The following SLC24A2 variants were observed in gnomAD, a reference collection of about 807,000 sequenced individuals.
SLC24A2 encodes the protein solute carrier family 24 member 2, also known as sodium/potassium/calcium exchanger 2.
Under a neutral mutation model 62.0 loss-of-function variants are expected in SLC24A2, and 36 were observed. That is an observed-to-expected ratio of 0.58 (90% CI 0.44 to 0.77). The LOEUF is 0.77. Among genes scored for constraint, SLC24A2 ranks in the 30% least tolerant of loss-of-function variants. The pLI, the probability that SLC24A2 is intolerant of heterozygous loss-of-function variation, is 0.00. For synonymous variants in SLC24A2, 358 were observed against 294.0 expected (o/e 1.22, Z -2.23); for missense variants, 846 against 817.9 (o/e 1.03, Z -0.42).
the SLC24A2 span, among the ~76,000 whole-genome samples, chr9:20,235,559 C>T: frequency 6.1e-4 from 93 of 152,306 alleles, no homozygotes; most frequent in African/African-American, 1.9e-3. Context: ...CCTGGTGTGC[C>T]GGTTTTTAAT....
chr9:19,679,838 CTGTGTGTGTGTGTGTGTG>C (rs58253967), intron 2 of SLC24A2, among the ~76,000 whole-genome samples: 3,380 of 142,486 alleles, frequency 0.024, 74 homozygotes, highest in East Asian at 0.088. Context: ...CTCACATATA[CTGTGTGTGTGTGTGTGTG>C]TGTGTGTGTG....
chr9:19,965,107 C>T, the SLC24A2 span, among the ~76,000 whole-genome samples: 2 of 151,890 alleles, frequency 1.3e-5, no homozygotes, highest in African/African-American at 4.8e-5. Flanking sequence ...CGAGAAAGAG[C>T]GTTGGAGGCA....
chr9:19,768,609 G>A lies in SLC24A2; in HGVS notation c.930+17328C>T, dbSNP rs188240823. Among the ~76,000 whole-genome samples the A allele has an allele frequency of 2.0e-5, 3 of 152,258 alleles. No homozygotes were observed. In the East Asian group the frequency reaches 5.8e-4, roughly 29 times the overall value. ...ACAGCGTGGATACCCTAGACAATGG[G>A]ATTATTCACATTCTGGGTGGGACAG... On this transcript the variant is annotated intron_variant, in intron 2 of 10. Coordinates refer to ENST00000341998, the MANE Select transcript of SLC24A2 (RefSeq NM_020344.4).
the SLC24A2 span, among the ~76,000 whole-genome samples, chr9:20,301,582 C>CT: frequency 4.9e-3 from 687 of 141,226 alleles, 3 homozygotes; most frequent in East Asian, 0.04. Flanking sequence ...AAATTAAAGC[C>CT]TTTTTTTTTT....
chr9:19,894,095 T>C, the SLC24A2 span, among the ~76,000 whole-genome samples: 1 of 152,148 alleles, frequency 6.6e-6, no homozygotes, highest in South Asian at 2.1e-4. Flanking sequence ...TCCAGCTAAA[T>C]TCAGGATTTA....
intron 2 of SLC24A2, among the ~76,000 whole-genome samples, chr9:19,661,070 C>T (rs1819084369): frequency 6.6e-6 from 1 of 152,122 alleles, no homozygotes; most frequent in Non-Finnish European, 1.5e-5. Context: ...TACTTACAGG[C>T]CTTGCATATA....
At chr9:20,124,675 T>C in the SLC24A2 span, among the ~76,000 whole-genome samples, 1 of 152,200 alleles carries the variant, frequency 6.6e-6, no homozygotes, top group Admixed American at 6.5e-5. Context: ...TCTGGTGCCC[T>C]ATGCACTAGA....
At chr9:19,877,097 C>T in the SLC24A2 span, among the ~76,000 whole-genome samples, 39 of 151,828 alleles carry the variant, frequency 2.6e-4, no homozygotes, top group East Asian at 2.4e-3. Context: ...CAGATTATTA[C>T]GCCATTGTCT....
chr9:20,065,282 G>A, the SLC24A2 span, among the ~76,000 whole-genome samples: 1 of 152,200 alleles, frequency 6.6e-6, no homozygotes, highest in Non-Finnish European at 1.5e-5. Flanking sequence ...CAGTCTCCCA[G>A]ACAAGACAAA....
At chr9:20,303,960 C>CGGTCCCTAAGTG in the SLC24A2 span, among the ~76,000 whole-genome samples, 1 of 152,154 alleles carries the variant, frequency 6.6e-6, no homozygotes, top group Admixed American at 6.5e-5. Flanking sequence ...TTCAGCCTTA[C>CGGTCCCTAAGTG]GGTCCCTAAG....
the SLC24A2 span, among the ~76,000 whole-genome samples, chr9:20,041,505 G>C: frequency 1.5e-4 from 23 of 152,294 alleles, no homozygotes; most frequent in African/African-American, 5.5e-4. Flanking sequence ...TTTCTGACTT[G>C]GAACATCCAC....
chr9:19,756,069 T>C (rs953402028), intron 2 of SLC24A2, among the ~76,000 whole-genome samples: 1 of 152,178 alleles, frequency 6.6e-6, no homozygotes, highest in African/African-American at 2.4e-5. Flanking sequence ...CCATGGCAAA[T>C]TCACCAAGTT....
chr9:19,679,804 T>C (rs1232120716), intron 2 of SLC24A2, among the ~76,000 whole-genome samples: 2 of 151,548 alleles, frequency 1.3e-5, no homozygotes, highest in East Asian at 1.9e-4. Flanking sequence ...ACAATCACAA[T>C]AGCTAATTCC....
chr9:20,251,932 C>G, the SLC24A2 span, among the ~76,000 whole-genome samples: 757 of 152,270 alleles, frequency 5.0e-3, 6 homozygotes, highest in African/African-American at 0.018. Flanking sequence ...CCTCTGTATC[C>G]TTACTGAAAC....
At chr9:20,136,423 A>G in the SLC24A2 span, among the ~76,000 whole-genome samples, 1 of 152,132 alleles carries the variant, frequency 6.6e-6, no homozygotes, top group East Asian at 1.9e-4. Flanking sequence ...TAAACAGGAT[A>G]AGTGACCAAG....
chr9:20,111,154 G>T, the SLC24A2 span, among the ~76,000 whole-genome samples: 1 of 152,158 alleles, frequency 6.6e-6, no homozygotes, highest in Non-Finnish European at 1.5e-5. Flanking sequence ...CATCAACCTG[G>T]TTCCCTTGCC....
At chr9:19,633,807 T>C (rs576015354) in intron 2 of SLC24A2, among the ~76,000 whole-genome samples, 12 of 152,374 alleles carry the variant, frequency 7.9e-5, no homozygotes, top group East Asian at 3.9e-4. Context: ...CTTAATGTTA[T>C]GTTTTATGGG....
chr9:19,622,421 GGGATGAGTTAAGCCAAAACAGGGGACTAA>G, intron 2 of SLC24A2, 122 bp from the exon 3 acceptor site: 1 of 1,045,064 alleles, frequency 9.6e-7, no homozygotes, highest in Non-Finnish European at 1.4e-6. Flanking sequence ...TTCTGCTCCT[GGGATGAGTTAAGCCAAAACAGGGGACTAA>G]GGATGTATAT....
the SLC24A2 span, among the ~76,000 whole-genome samples, chr9:20,291,342 T>G: frequency 2.0e-5 from 3 of 151,644 alleles, no homozygotes; most frequent in African/African-American, 7.3e-5. Flanking sequence ...GCATTTGAAA[T>G]GAAAAGGAGA....
Sources: gnomAD v4.1 joint callset for allele counts (sites outside exome capture counted in the v4.1 genomes callset) on GRCh38, gnomAD v4.1.1 for gene constraint, MANE v1.5 for transcripts, NCBI Gene and HGNC (gene_info 2026-07-23, HGNC 2026-07-21) for gene names.